The following CNTN5 variants were observed in gnomAD, a reference collection of about 807,000 sequenced individuals.
CNTN5 encodes the protein contactin 5, also known as contactin-5.
A neutral mutation model predicts 129.1 loss-of-function variants in CNTN5; 77 were observed. The observed-to-expected ratio is 0.60, with a 90% CI of 0.50 to 0.72. CNTN5 has a LOEUF of 0.72. Ranked by LOEUF, CNTN5 falls within the 30% of genes least tolerant of loss-of-function variation. The pLI, the probability that CNTN5 is intolerant of heterozygous loss-of-function variation, is 0.00. For missense variants in CNTN5, 1,478 were observed against 1,328.8 expected, an observed-to-expected ratio of 1.11 and a Z score of -1.75; for synonymous variants, 509 against 465.6, an observed-to-expected ratio of 1.09 and a Z score of -1.20.
chr11:100,037,846 G>T lies in CNTN5; in HGVS notation c.981-23366G>T, dbSNP rs1297978762. Among the ~76,000 whole-genome samples, 3 of 152,060 alleles carry T rather than the reference G, an allele frequency of 2.0e-5. No homozygotes were observed. In the East Asian group the frequency reaches 5.8e-4, roughly 29 times the overall value. On this transcript the variant is annotated intron_variant, in intron 9 of 24. Coordinates refer to ENST00000524871, the MANE Select transcript of CNTN5 (RefSeq NM_014361.4). ...TTATCATTTTTTATTGCATCAATTTGATTCTTCTCTCTTTTTTTCTTTATT... is the reference window on the plus strand; with the variant it reads ...TTATCATTTTTTATTGCATCAATTTTATTCTTCTCTCTTTTTTTCTTTATT...
chr11:99,986,510 C>CT (rs1938689193), intron 8 of CNTN5, among the ~76,000 whole-genome samples: 1 of 152,126 alleles, frequency 6.6e-6, no homozygotes, highest in South Asian at 2.1e-4. Flanking sequence ...CTCTTCTTAC[C>CT]TACATCAAGA....
At chr11:99,477,029 T>C (rs143755967) in intron 2 of CNTN5, among the ~76,000 whole-genome samples, 1 of 151,714 alleles carries the variant, frequency 6.6e-6, no homozygotes, top group Non-Finnish European at 1.5e-5. Context: ...TTAAAAAAAA[T>C]TTATCCATTT....
At chr11:100,304,751 T>C (rs1485064793) in intron 20 of CNTN5, among the ~76,000 whole-genome samples, 1 of 151,012 alleles carries the variant, frequency 6.6e-6, no homozygotes, top group African/African-American at 2.4e-5. Context: ...TGTATTCAAA[T>C]CCTCCCTCCA....
chr11:99,084,175 A>G (rs1323908118), intron 1 of CNTN5, among the ~76,000 whole-genome samples: 1 of 152,180 alleles, frequency 6.6e-6, no homozygotes, highest in African/African-American at 2.4e-5. Context: ...ATTTCCTATC[A>G]TACAATACTG....
At chr11:99,746,444 C>A (rs73552054) in intron 3 of CNTN5, among the ~76,000 whole-genome samples, 2 of 152,140 alleles carry the variant, frequency 1.3e-5, no homozygotes, top group Admixed American at 1.3e-4. Context: ...GGGTCCTCCA[C>A]CCCCAGTCAC....
intron 9 of CNTN5, among the ~76,000 whole-genome samples, chr11:100,049,164 T>A (rs533036127): frequency 6.6e-6 from 1 of 152,232 alleles, no homozygotes; most frequent in Admixed American, 6.5e-5. Context: ...ACATATAAAG[T>A]ATATTTGCTG....
intron 1 of CNTN5, among the ~76,000 whole-genome samples, chr11:99,130,588 A>C (rs1357897533): frequency 6.6e-6 from 1 of 152,142 alleles, no homozygotes; most frequent in East Asian, 1.9e-4. Flanking sequence ...CAGGACTCGA[A>C]CTCAGCTCTG....
chr11:100,039,736 T>C (rs1459612338), intron 9 of CNTN5, among the ~76,000 whole-genome samples: 1 of 152,220 alleles, frequency 6.6e-6, no homozygotes, highest in Non-Finnish European at 1.5e-5. Context: ...CCATCACTGA[T>C]ACCCTTTCTT....
At chr11:100,066,023 A>C (rs1943680498) in intron 10 of CNTN5, among the ~76,000 whole-genome samples, 1 of 152,048 alleles carries the variant, frequency 6.6e-6, no homozygotes, top group South Asian at 2.1e-4. Context: ...ATGGAGAAAA[A>C]ATTCTTGCCT....
intron 3 of CNTN5, among the ~76,000 whole-genome samples, chr11:99,803,801 GTCCCGT>G (rs1397283475): frequency 2.5e-4 from 38 of 152,098 alleles, no homozygotes; most frequent in African/African-American, 9.2e-4. Flanking sequence ...TATGAGCTAC[GTCCCGT>G]TACAGTGCTC....
At chr11:99,523,230 A>G (rs1170570697) in intron 2 of CNTN5, among the ~76,000 whole-genome samples, 1 of 152,062 alleles carries the variant, frequency 6.6e-6, no homozygotes, top group African/African-American at 2.4e-5. Context: ...CATTGAGTAT[A>G]CTCTTATTAT....
At chr11:99,520,005 G>C (rs534915654) in intron 2 of CNTN5, among the ~76,000 whole-genome samples, 1 of 152,054 alleles carries the variant, frequency 6.6e-6, no homozygotes, top group South Asian at 2.1e-4. Flanking sequence ...TGCCATTTTT[G>C]TGGCAACCTT....
At chr11:99,882,161 A>C (rs978994151) in intron 6 of CNTN5, among the ~76,000 whole-genome samples, 1 of 152,188 alleles carries the variant, frequency 6.6e-6, no homozygotes, top group African/African-American at 2.4e-5. Context: ...AATAAGTTTA[A>C]TTGTAAAATA....
At chr11:99,658,361 C>T (rs1952459382) in intron 3 of CNTN5, among the ~76,000 whole-genome samples, 1 of 152,068 alleles carries the variant, frequency 6.6e-6, no homozygotes, top group Non-Finnish European at 1.5e-5. Flanking sequence ...AGCTAAAAGT[C>T]TGATTTGAAA....
intron 3 of CNTN5, among the ~76,000 whole-genome samples, chr11:99,775,285 T>A (rs1945084638): frequency 6.6e-6 from 1 of 152,082 alleles, no homozygotes; most frequent in African/African-American, 2.4e-5. Context: ...TCATTTATGC[T>A]TTTTTATTGT....
chr11:99,258,407 T>A (rs1346810987), intron 1 of CNTN5, among the ~76,000 whole-genome samples: 1 of 152,094 alleles, frequency 6.6e-6, no homozygotes. Flanking sequence ...TTTGGTTTTC[T>A]GTCCCTGCAC....
chr11:99,167,427 A>T (rs934850460), intron 1 of CNTN5, among the ~76,000 whole-genome samples: 1 of 152,164 alleles, frequency 6.6e-6, no homozygotes, highest in East Asian at 1.9e-4. Context: ...GGCTAATTTG[A>T]CCAACACTTA....
chr11:100,356,075 A>T, intron 24 of CNTN5, 42 bp from the exon 25 acceptor site: 2 of 1,405,404 alleles, frequency 1.4e-6, no homozygotes, highest in Non-Finnish European at 2.0e-6. Context: ...GCTCAAGCAA[A>T]ACCAAGATAA....
In CNTN5 at chr11:99,779,445, C is replaced by A. The variant is rs562417715; in HGVS notation, c.56-40099C>A. On this transcript the variant is annotated intron_variant, in intron 3 of 24. Coordinates refer to ENST00000524871, the MANE Select transcript of CNTN5 (RefSeq NM_014361.4). ...AGAGCCAAATAGACTGACAATCATT[C>A]TTTGATTACATTTACTTAGAATATG... 6.6e-5 allele frequency among the ~76,000 whole-genome samples: 10 copies of A among 152,070 alleles called. No homozygotes were observed. In the South Asian group the frequency reaches 1.0e-3, roughly 16 times the overall value.
Sources: allele counts gnomAD v4.1 joint callset (sites outside exome capture counted in the v4.1 genomes callset), GRCh38; gene constraint gnomAD v4.1.1; transcripts MANE v1.5; gene names NCBI Gene and HGNC (gene_info 2026-07-23, HGNC 2026-07-21).